The following CDH4 variants were observed in gnomAD, a reference collection of about 807,000 sequenced individuals.
CDH4 encodes cadherin 4.
Under a neutral mutation model 86.0 loss-of-function variants are expected in CDH4, and 33 were observed. The observed-to-expected ratio is 0.38, with a 90% CI of 0.29 to 0.51. The LOEUF (loss-of-function observed/expected upper bound fraction) is 0.51, where lower values mean the gene tolerates loss of function less well. Among genes scored for constraint, CDH4 ranks in the 20% least tolerant of loss-of-function variants. CDH4 has a pLI of 0.86. For synonymous variants in CDH4, 555 were observed against 549.4 expected (o/e 1.01, Z -0.14); for missense variants, 1,114 against 1,307.4 (o/e 0.85, Z 2.28).
chr20:61,328,392 G>A (rs2084548479), intron 2 of CDH4, among the ~76,000 whole-genome samples: 1 of 152,164 alleles, frequency 6.6e-6, no homozygotes, highest in South Asian at 2.1e-4. Flanking sequence ...AGCCAGGATG[G>A]TCTCAATCTC....
chr20:61,710,703 G>T (rs993408861), intron 2 of CDH4, among the ~76,000 whole-genome samples: 1 of 152,208 alleles, frequency 6.6e-6, no homozygotes, highest in African/African-American at 2.4e-5. Flanking sequence ...CGTTCATCCT[G>T]ACATTCTCAG....
intron 2 of CDH4, among the ~76,000 whole-genome samples, chr20:61,620,881 C>T (rs1397743631): frequency 2.0e-5 from 3 of 152,234 alleles, no homozygotes; most frequent in Admixed American, 6.5e-5. Context: ...TTCCCAGCGC[C>T]TCCACCACCC....
At chr20:61,836,909 G>A (rs575571216) in intron 4 of CDH4, among the ~76,000 whole-genome samples, 1 of 152,346 alleles carries the variant, frequency 6.6e-6, no homozygotes, top group South Asian at 2.1e-4. Flanking sequence ...AGTGGGGGTA[G>A]GGGGTCTGGC....
At chr20:61,842,304 A>G (rs1982212398) in intron 4 of CDH4, among the ~76,000 whole-genome samples, 1 of 152,218 alleles carries the variant, frequency 6.6e-6, no homozygotes, top group Non-Finnish European at 1.5e-5. Context: ...CCTATGCCAC[A>G]CGTGGGGCAG....
At chr20:61,653,548 G>C (rs1274299268) in intron 2 of CDH4, among the ~76,000 whole-genome samples, 1 of 143,266 alleles carries the variant, frequency 7.0e-6, no homozygotes, top group Non-Finnish European at 1.6e-5. Context: ...CGGACGGGGT[G>C]GCTGGCCAGG....
intron 4 of CDH4, among the ~76,000 whole-genome samples, chr20:61,780,933 G>A (rs1259903309): frequency 6.6e-6 from 1 of 152,118 alleles, no homozygotes; most frequent in Non-Finnish European, 1.5e-5. Context: ...GAATGTGAGG[G>A]GATAAATTCT....
chr20:61,281,379 G>A (rs1188492030), intron 2 of CDH4, among the ~76,000 whole-genome samples: 1 of 152,206 alleles, frequency 6.6e-6, no homozygotes, highest in Non-Finnish European at 1.5e-5. Flanking sequence ...CTTCCCCCAT[G>A]TGTGGAGACA....
At chr20:61,344,960 A>G (rs984883388) in intron 2 of CDH4, among the ~76,000 whole-genome samples, 2 of 152,216 alleles carry the variant, frequency 1.3e-5, no homozygotes, top group Non-Finnish European at 2.9e-5. Context: ...TCTAGGATGC[A>G]CCTGAGTGCC....
chr20:61,876,051 A>G (rs756354659), intron 7 of CDH4, among the ~76,000 whole-genome samples: 5 of 152,214 alleles, frequency 3.3e-5, no homozygotes, highest in Admixed American at 1.3e-4. Flanking sequence ...GTGTGCGTGC[A>G]AGCCCCTGTC....
At chr20:61,598,410 G>A (rs2086572825) in intron 2 of CDH4, among the ~76,000 whole-genome samples, 1 of 146,456 alleles carries the variant, frequency 6.8e-6, no homozygotes, top group Non-Finnish European at 1.5e-5. Context: ...CCCCAGCCCA[G>A]GACCTCAGCA....
At chr20:61,552,045 TGTAA>T (rs2086134919) in intron 2 of CDH4, among the ~76,000 whole-genome samples, 1 of 152,164 alleles carries the variant, frequency 6.6e-6, no homozygotes, top group Non-Finnish European at 1.5e-5. Flanking sequence ...AAAACATAGG[TGTAA>T]GTCTTTGTGA....
intron 2 of CDH4, among the ~76,000 whole-genome samples, chr20:61,566,152 T>C: frequency 6.6e-6 from 1 of 152,170 alleles, no homozygotes; most frequent in East Asian, 1.9e-4. Context: ...CACCCACTTC[T>C]TCCACCCCTG....
chr20:61,340,001 G>A (rs1346729654), intron 2 of CDH4, among the ~76,000 whole-genome samples: 7 of 152,196 alleles, frequency 4.6e-5, no homozygotes, highest in East Asian at 3.8e-4. Flanking sequence ...GGGTATTACT[G>A]AGTTTAAGAT....
At chr20:61,398,666 T>C (rs1022326332) in intron 2 of CDH4, among the ~76,000 whole-genome samples, 2 of 152,250 alleles carry the variant, frequency 1.3e-5, no homozygotes, top group Non-Finnish European at 2.9e-5. Flanking sequence ...CCTCACTCCA[T>C]GTCTACGAAC....
intron 2 of CDH4, among the ~76,000 whole-genome samples, chr20:61,455,577 A>G (rs572202130): frequency 2.1e-4 from 32 of 152,342 alleles, no homozygotes; most frequent in African/African-American, 7.5e-4. Context: ...GACTCGGGTA[A>G]TCATAAACTT....
intron 2 of CDH4, among the ~76,000 whole-genome samples, chr20:61,298,722 A>G (rs528073663): frequency 4.0e-4 from 61 of 152,100 alleles, no homozygotes; most frequent in African/African-American, 1.3e-3. Flanking sequence ...AAAAAAAGAA[A>G]AAGAAAAATA....
chr20:61,400,446 G>T (rs1263817162), intron 2 of CDH4, among the ~76,000 whole-genome samples: 6 of 152,218 alleles, frequency 3.9e-5, no homozygotes, highest in Non-Finnish European at 8.8e-5. Flanking sequence ...AGTCCTCCTT[G>T]CAGCCTAGAT....
At position 61,929,598 on chromosome 20, in the gene CDH4, C is replaced by T. The variant is rs368867362; in HGVS notation, c.2006-11C>T. The T allele has an allele frequency of 6.2e-7, 1 of 1,606,562 alleles. No homozygotes were observed. The highest frequency in any genetic ancestry group is 1.7e-5 in the Admixed American group (1 of 60,012). On this transcript the variant is annotated splice_polypyrimidine_tract_variant and intron_variant, in intron 12 of 15. Transcript: ENST00000614565. ...GGCTCTGGTTGAATGTTTACTGTTG[C>T]TTTGCACCAGGTGACTATGCCCAAC...
chr20:61,487,677 A>G (rs145827260), intron 2 of CDH4, among the ~76,000 whole-genome samples: 3 of 152,336 alleles, frequency 2.0e-5, no homozygotes, highest in African/African-American at 7.2e-5. Context: ...GTTAATTTGT[A>G]CTAGACCCTC....
Sources: gnomAD v4.1 joint callset for allele counts (sites outside exome capture counted in the v4.1 genomes callset) on GRCh38, gnomAD v4.1.1 for gene constraint, MANE v1.5 for transcripts, NCBI Gene and HGNC (gene_info 2026-07-23, HGNC 2026-07-21) for gene names.